COP1: variants seen among roughly 807,000 people sequenced by gnomAD.
The protein encoded by COP1 is E3 ubiquitin-protein ligase COP1.
A neutral mutation model predicts 101.3 loss-of-function variants in COP1; 24 were observed. That is an observed-to-expected ratio of 0.24 (90% CI 0.17 to 0.33). The LOEUF is 0.33. Among genes scored for constraint, COP1 ranks in the 10% least tolerant of loss-of-function variants. The pLI is 1.00. For synonymous variants in COP1, 347 were observed against 341.9 expected, an observed-to-expected ratio of 1.01 and a Z score of -0.17; for missense variants, 663 against 906.2, an observed-to-expected ratio of 0.73 and a Z score of 3.45.
chr1:176,001,028 A>T (rs1311177380), intron 15 of COP1, among the ~76,000 whole-genome samples: 2 of 152,054 alleles, frequency 1.3e-5, no homozygotes, highest in African/African-American at 2.4e-5. Flanking sequence ...TTACATGTTC[A>T]TCAACAATTT....
At chr1:176,184,472 TAAC>T (rs1698206364) in intron 2 of COP1, among the ~76,000 whole-genome samples, 158 bp downstream of exon 2, 1 of 152,118 alleles carries the variant, frequency 6.6e-6, no homozygotes, top group African/African-American at 2.4e-5. Flanking sequence ...GCCATTATGT[TAAC>T]AGCCTTAAAC....
At chr1:176,184,152 ATTT>A (rs756461099) in intron 2 of COP1, among the ~76,000 whole-genome samples, 1 of 152,110 alleles carries the variant, frequency 6.6e-6, no homozygotes, top group African/African-American at 2.4e-5. Context: ...AAATTAAAAA[ATTT>A]TTTTGATGTA....
In COP1 at chr1:176,206,992, C is replaced by G; in HGVS notation, c.-14G>C. On this transcript the variant is annotated 5_prime_UTR_variant, in exon 1 of 20. Coordinates refer to ENST00000367669, the MANE Select transcript of COP1 (RefSeq NM_022457.7). ...GCTACCAGACATCGTGACTCCCTCC[C>G]CTCCAGCCGGGCGCTCGGAGGAGAG... The G allele has an allele frequency of 7.3e-7, 1 of 1,367,830 alleles. No homozygotes were observed. 84.7% of individuals were successfully genotyped at this position (1,367,830 alleles called of 1,614,324 possible). A position where few individuals can be genotyped will look rare whatever the true frequency, so the allele number is the denominator to read the frequency against.
At chr1:176,177,815 C>G (rs1028363599) in intron 2 of COP1, among the ~76,000 whole-genome samples, 1 of 152,088 alleles carries the variant, frequency 6.6e-6, no homozygotes, top group Non-Finnish European at 1.5e-5. Context: ...CTACATTCCC[C>G]AGGTTTCGCC....
chr1:176,011,735 C>A (rs73038827), intron 15 of COP1, among the ~76,000 whole-genome samples: 9,007 of 152,188 alleles, frequency 0.059, 608 homozygotes, highest in African/African-American at 0.16. Context: ...AATGACATTT[C>A]ATGATGATAT....
chr1:176,103,079 A>G (rs1172674159), intron 9 of COP1, among the ~76,000 whole-genome samples: 1 of 152,212 alleles, frequency 6.6e-6, no homozygotes, highest in Non-Finnish European at 1.5e-5. Context: ...TTGCAATTCC[A>G]GTGTCTTGAT....
At chr1:175,945,246 AT>A (rs1649017023) in intron 19 of COP1, 76 bp from the exon 20 acceptor site, 2 of 1,063,598 alleles carry the variant, frequency 1.9e-6, no homozygotes, top group African/African-American at 3.3e-5. Context: ...TCTTTACTAT[AT>A]TTACCAATAG....
intron 6 of COP1, among the ~76,000 whole-genome samples, chr1:176,148,449 T>C (rs537118577): frequency 2.0e-5 from 3 of 151,740 alleles, no homozygotes; most frequent in African/African-American, 7.3e-5. Context: ...GAGCACAGGA[T>C]TTTGACTATT....
chr1:175,989,256 T>C, intron 16 of COP1, 106 bp downstream of exon 16: 1 of 574,706 alleles, frequency 1.7e-6, no homozygotes, highest in Admixed American at 2.7e-5. Context: ...AAAAAGTACA[T>C]ATACTCCAAT....
chr1:175,995,925 C>T (rs942170350), intron 15 of COP1, among the ~76,000 whole-genome samples: 2 of 152,152 alleles, frequency 1.3e-5, no homozygotes, highest in Non-Finnish European at 2.9e-5. Context: ...GATACCAAAG[C>T]CTGGCAGAGA....
chr1:175,958,602 C>G (rs1650964624), intron 18 of COP1, among the ~76,000 whole-genome samples: 1 of 151,964 alleles, frequency 6.6e-6, no homozygotes, highest in Non-Finnish European at 1.5e-5. Flanking sequence ...CAGAATATAA[C>G]CCTTCTTTAA....
chr1:176,179,289 CAA>C (rs879402247), intron 2 of COP1, among the ~76,000 whole-genome samples: 3 of 101,064 alleles, frequency 3.0e-5, no homozygotes, highest in African/African-American at 7.5e-5. Flanking sequence ...GACTCCGTCT[CAA>C]AAAAAAAAAA....
At chr1:176,018,917 G>C (rs555682737) in intron 15 of COP1, among the ~76,000 whole-genome samples, 1 of 152,132 alleles carries the variant, frequency 6.6e-6, no homozygotes, top group African/African-American at 2.4e-5. Context: ...TGTAATCCCA[G>C]CACTTTGGGA....
At chr1:176,117,292 C>A (rs1311602923) in intron 8 of COP1, among the ~76,000 whole-genome samples, 1 of 152,108 alleles carries the variant, frequency 6.6e-6, no homozygotes, top group African/African-American at 2.4e-5. Flanking sequence ...GTCTTTGTAA[C>A]CCAAAACCAA....
intron 8 of COP1, among the ~76,000 whole-genome samples, chr1:176,123,063 T>C (rs1038233125): frequency 1.3e-5 from 2 of 152,228 alleles, no homozygotes; most frequent in Non-Finnish European, 2.9e-5. Flanking sequence ...ACTACTACTT[T>C]CCAACAAGTT....
intron 9 of COP1, among the ~76,000 whole-genome samples, chr1:176,093,748 G>A (rs915636945): frequency 1.3e-5 from 2 of 152,168 alleles, no homozygotes; most frequent in Non-Finnish European, 2.9e-5. Flanking sequence ...GCTCAGGCAG[G>A]AGAATGCTGT....
At chr1:176,021,901 G>T (rs1307432979) in intron 15 of COP1, among the ~76,000 whole-genome samples, 1 of 152,136 alleles carries the variant, frequency 6.6e-6, no homozygotes, top group African/African-American at 2.4e-5. Context: ...GATTTCTCTA[G>T]CTGACAGATT....
At position 176,162,955 on chromosome 1, in the gene COP1, A is replaced by T. The variant is rs1408342421; in HGVS notation, c.676T>A (p.Leu226Met). Reference sequence around the variant, plus strand: ...TCAAGGTTATCTTGGTCAGTTCCCAACCAATCTTGAAATATCTGCCACCTG... The same window carrying T: ...TCAAGGTTATCTTGGTCAGTTCCCATCCAATCTTGAAATATCTGCCACCTG... The part of the protein sequence containing the change: ...GHRWQIFQDW[L>M]GTDQDNLDLA... Residue 226 changes from leucine to methionine, a missense_variant, in exon 5 of 20, where the codon TTG becomes ATG. Coordinates refer to ENST00000367669, the MANE Select transcript of COP1 (RefSeq NM_022457.7). The T allele has an allele frequency of 3.1e-6, 5 of 1,608,414 alleles. No homozygotes were observed. Among genetic ancestry groups the T allele is most frequent in the Non-Finnish European group, 4.2e-6 (5 of 1,177,388 alleles).
At chr1:176,138,255 G>A (rs1327415241) in intron 6 of COP1, among the ~76,000 whole-genome samples, 2 of 152,086 alleles carry the variant, frequency 1.3e-5, no homozygotes, top group African/African-American at 4.8e-5. Flanking sequence ...ACATCAATAA[G>A]TATAGTCAGA....
Sources: gnomAD v4.1 joint callset for allele counts (sites outside exome capture counted in the v4.1 genomes callset) on GRCh38, gnomAD v4.1.1 for gene constraint, MANE v1.5 for transcripts, NCBI Gene and HGNC (gene_info 2026-07-23, HGNC 2026-07-21) for gene names.